PMPCB: variants seen among roughly 807,000 people sequenced by gnomAD.
PMPCB encodes the protein peptidase, mitochondrial processing subunit beta, also known as mitochondrial-processing peptidase subunit beta.
A neutral mutation model predicts 61.5 loss-of-function variants in PMPCB; 46 were observed. The ratio of observed to expected loss-of-function variants is 0.75; its 90% CI spans 0.59 to 0.96. The LOEUF (loss-of-function observed/expected upper bound fraction) is 0.96. PMPCB is among the 40% of genes least tolerant of loss of function. The probability of loss-of-function intolerance (pLI) is 0.00; values close to 1 mark genes in which losing one functional copy is unlikely to be tolerated. For missense variants in PMPCB, 590 were observed against 602.4 expected, an observed-to-expected ratio of 0.98 and a Z score of 0.22; for synonymous variants, 191 against 201.6, an observed-to-expected ratio of 0.95 and a Z score of 0.44.
At chr7:103,306,789 T>C (rs1295898097) in intron 6 of PMPCB, among the ~76,000 whole-genome samples, 1 of 152,188 alleles carries the variant, frequency 6.6e-6, no homozygotes, top group Non-Finnish European at 1.5e-5. Context: ...AGAGTCTTGC[T>C]CTGTCACCCA....
chr7:103,323,017 C>T (rs1395553627), intron 12 of PMPCB, among the ~76,000 whole-genome samples: 2 of 151,840 alleles, frequency 1.3e-5, no homozygotes, highest in Non-Finnish European at 2.9e-5. Flanking sequence ...GCAACCTCTG[C>T]CTCCCAGGTT....
chr7:103,325,239 T>C (rs1818639931), intron 12 of PMPCB, among the ~76,000 whole-genome samples: 1 of 149,424 alleles, frequency 6.7e-6, no homozygotes, highest in Non-Finnish European at 1.5e-5. Flanking sequence ...AGGCCAGGAG[T>C]TTGAGACCAG....
chr7:103,313,312 A>AT lies in PMPCB; in HGVS notation c.*1041_*1042insT. On this transcript the variant is annotated 3_prime_UTR_variant, in exon 13 of 13. Coordinates refer to ENST00000249269, the MANE Select transcript of PMPCB (RefSeq NM_004279.3). ...TCACATCCCAGAAAATAAAATCTCAAAGGCTTTTAAAACACAATAGTAAAG... is the reference window on the plus strand; with the variant it reads ...TCACATCCCAGAAAATAAAATCTCAATAGGCTTTTAAAACACAATAGTAAAG... 1 of 1,308,188 alleles carries AT rather than the reference A, an allele frequency of 7.6e-7. No homozygotes were observed. Among genetic ancestry groups the AT allele is most frequent in the Non-Finnish European group, 9.7e-7 (1 of 1,031,816 alleles). The allele number at this position is 1,308,188 out of a possible 1,614,324, so 81.0% of individuals were successfully genotyped here. A position where few individuals can be genotyped will look rare whatever the true frequency, so the allele number is the denominator to read the frequency against.
downstream of PMPCB, among the ~76,000 whole-genome samples, chr7:103,319,050 A>G (rs1391367240): frequency 6.6e-6 from 1 of 152,122 alleles, no homozygotes; most frequent in Admixed American, 6.6e-5. Context: ...TGTCTCTAGT[A>G]AAAATACAAA....
chr7:103,332,273 C>G (rs536356755), downstream of PMPCB, among the ~76,000 whole-genome samples: 4 of 152,170 alleles, frequency 2.6e-5, no homozygotes, highest in East Asian at 3.9e-4. Flanking sequence ...CCAAAGTGCT[C>G]GGATTATAGG....
At chr7:103,315,788 C>T (rs369245611), downstream of PMPCB, 19 of 1,613,436 alleles carry the variant, frequency 1.2e-5, no homozygotes, top group South Asian at 3.3e-5. Context: ...GAAGGCGTTG[C>T]GTTGTCTGCT....
chr7:103,329,738 G>A (rs1459786925), downstream of PMPCB, among the ~76,000 whole-genome samples: 1 of 152,072 alleles, frequency 6.6e-6, no homozygotes. Flanking sequence ...TTGCCCTGGG[G>A]TTATCTTTAA....
At chr7:103,325,173 G>C (rs753573148) in intron 12 of PMPCB, among the ~76,000 whole-genome samples, 1 of 152,216 alleles carries the variant, frequency 6.6e-6, no homozygotes, top group African/African-American at 2.4e-5. Flanking sequence ...GCCAGGCGCG[G>C]TGGCTCATGC....
Position 103,312,791 on chromosome 7 carries a change from A to G in PMPCB, c.*520A>G, listed in dbSNP as rs1475078717. Reference sequence around the variant, plus strand: ...ATCTGCCAGGGCCTAGAAAGTTTCTAAGGTTGCTCATTTCTTCCTCATAAT... The same window carrying G: ...ATCTGCCAGGGCCTAGAAAGTTTCTGAGGTTGCTCATTTCTTCCTCATAAT... On this transcript the variant is annotated 3_prime_UTR_variant, in exon 13 of 13. Transcript: ENST00000249269. 1.1e-5 allele frequency: 17 copies of G among 1,509,950 alleles called. No homozygotes were observed. The East Asian group carries it at 3.9e-4, about 34-fold the overall frequency. The allele number at this position is 1,509,950 out of a possible 1,614,324, so 93.5% of individuals were successfully genotyped here. A position where few individuals can be genotyped will look rare whatever the true frequency, so the allele number is the denominator to read the frequency against.
At chr7:103,337,826 C>A in the PMPCB span, 2 of 1,604,104 alleles carry the variant, frequency 1.2e-6, no homozygotes, top group South Asian at 2.2e-5. Context: ...AAAAAAAACA[C>A]AAAAGGGAGT....
downstream of PMPCB, chr7:103,315,838 G>A (rs1193908607): frequency 5.0e-6 from 8 of 1,613,260 alleles, no homozygotes; most frequent in African/African-American, 1.3e-5. Flanking sequence ...CTTATCAAAT[G>A]CCTTTTTATT....
chr7:103,319,683 A>AG (rs1460433466), downstream of PMPCB: 1 of 1,614,006 alleles, frequency 6.2e-7, no homozygotes, highest in Non-Finnish European at 8.5e-7. Context: ...TGTAAGCTAA[A>AG]GAAAAAAAAA....
chr7:103,307,767 C>T, intron 7 of PMPCB, 59 bp downstream of exon 7: 2 of 885,306 alleles, frequency 2.3e-6, no homozygotes, highest in South Asian at 2.7e-5. Flanking sequence ...TGTATTTACA[C>T]ATAAGTAAAC....
At chr7:103,314,909 A>T (rs1305069637), downstream of PMPCB, among the ~76,000 whole-genome samples, 1 of 152,202 alleles carries the variant, frequency 6.6e-6, no homozygotes, top group Non-Finnish European at 1.5e-5. Flanking sequence ...GGCTCACAAA[A>T]CATGAAGTGA....
chr7:103,322,147 T>G, intron 12 of PMPCB: 1 of 1,202,854 alleles, frequency 8.3e-7, no homozygotes, highest in Non-Finnish European at 1.1e-6. Context: ...TTTATAATTT[T>G]AAAAATTTAA....
Position 103,311,671 on chromosome 7 carries a change from AG to A in PMPCB, c.1184del (p.Ser395MetfsTer10). The A allele has an allele frequency of 1.2e-6, 2 of 1,614,052 alleles. No homozygotes were observed. Among genetic ancestry groups the A allele is most frequent in the Non-Finnish European group, 1.7e-6 (2 of 1,179,936 alleles). ...GCGACTCTGTACAAGTGTCACAGAA[AG>A]TGAGGTTGCACGAGCCAGAAATCTT... ...WMRLCTSVTESEVARARNLLK... is the reference protein window; with the variant it reads ...WMRLCTSVTEXEVARARNLLK... On this transcript the variant is annotated frameshift_variant, in exon 10 of 13. Transcript: ENST00000249269. LOFTEE classifies it high-confidence loss of function.
Position 103,304,490 on chromosome 7 carries a change from G to T in PMPCB, c.736G>T (p.Gly246Cys). Reference protein sequence around the residue: ...GPRIVLAAAGGVSHDELLDLA... With the variant: ...GPRIVLAAAGCVSHDELLDLA... ...AAGAATAGTGCTTGCTGCTGCTGGA[G>T]GTTAGTCAATTTAAATTTCTACAAA... is the stretch of plus-strand genomic sequence containing the variant. The change falls in exon 6 of 13, where the codon GGT becomes TGT. Residue 246 changes from glycine (G) to cysteine (C), a missense_variant and splice_region_variant. Transcript: ENST00000249269. 1.9e-6 allele frequency: 3 copies of T among 1,592,974 alleles called. No homozygotes were observed. The highest frequency in any genetic ancestry group is 2.6e-6 in the Non-Finnish European group (3 of 1,160,760).
downstream of PMPCB, among the ~76,000 whole-genome samples, chr7:103,318,345 G>A (rs998832014): frequency 2.0e-5 from 3 of 151,984 alleles, no homozygotes; most frequent in East Asian, 1.9e-4. Context: ...TTGTATTTTC[G>A]GTAGAGATTT....
chr7:103,319,971 T>G (rs903667858), intron 12 of PMPCB: 1 of 938,276 alleles, frequency 1.1e-6, no homozygotes, highest in Non-Finnish European at 1.6e-6. Context: ...GAGGCGGAAA[T>G]TGCAGCAAAC....
Sources: allele counts gnomAD v4.1 joint callset (sites outside exome capture counted in the v4.1 genomes callset), GRCh38; gene constraint gnomAD v4.1.1; transcripts MANE v1.5; gene names NCBI Gene and HGNC (gene_info 2026-07-23, HGNC 2026-07-21).